DCC: variants seen among roughly 807,000 people sequenced by gnomAD.
DCC encodes DCC netrin 1 receptor.
DCC carries 58 observed loss-of-function variants against 172.5 expected under a neutral mutation model. The ratio of observed to expected loss-of-function variants is 0.34; its 90% confidence interval spans 0.27 to 0.42. The LOEUF (loss-of-function observed/expected upper bound fraction) is 0.42, where lower values mean the gene tolerates loss of function less well. DCC is among the 10% of genes least tolerant of loss of function. The pLI is 1.00. For missense variants in DCC, 1,740 were observed against 1,791.0 expected (o/e 0.97, Z 0.51); for synonymous variants, 709 against 644.5 (o/e 1.10, Z -1.52).
intron 17 of DCC, among the ~76,000 whole-genome samples, chr18:53,394,936 G>A (rs1908819481): frequency 6.7e-6 from 1 of 149,804 alleles, no homozygotes; most frequent in African/African-American, 2.4e-5. Flanking sequence ...GAGGTCAGGA[G>A]TTCGAGACCA....
intron 7 of DCC, among the ~76,000 whole-genome samples, chr18:53,148,420 T>C (rs2043948023): frequency 6.6e-6 from 1 of 152,106 alleles, no homozygotes; most frequent in African/African-American, 2.4e-5. Context: ...TCTCTGGGCA[T>C]GGAGAATGGA....
At chr18:52,475,054 A>G (rs1417558688) in intron 1 of DCC, among the ~76,000 whole-genome samples, 1 of 152,218 alleles carries the variant, frequency 6.6e-6, no homozygotes, top group Admixed American at 6.5e-5. Context: ...TTCAGTCATC[A>G]TGATCTCAAC....
intron 26 of DCC, among the ~76,000 whole-genome samples, chr18:53,492,339 G>A (rs904725404): frequency 6.6e-6 from 1 of 152,106 alleles, no homozygotes; most frequent in Non-Finnish European, 1.5e-5. Flanking sequence ...TTTGGCTTTT[G>A]TTGTCATTGC....
At chr18:52,532,645 C>T (rs747199612) in intron 1 of DCC, among the ~76,000 whole-genome samples, 4 of 151,884 alleles carry the variant, frequency 2.6e-5, no homozygotes, top group Non-Finnish European at 5.9e-5. Context: ...ATGAGTAATT[C>T]ATTGAAGTTT....
intron 8 of DCC, among the ~76,000 whole-genome samples, chr18:53,158,755 G>T (rs2054787828): frequency 6.6e-6 from 1 of 151,982 alleles, no homozygotes; most frequent in South Asian, 2.1e-4. Flanking sequence ...ACTTTGGCAG[G>T]CTAAGTCAGG....
At chr18:52,995,278 C>T (rs1038137211) in intron 5 of DCC, among the ~76,000 whole-genome samples, 1 of 152,066 alleles carries the variant, frequency 6.6e-6, no homozygotes, top group Non-Finnish European at 1.5e-5. Context: ...ACGTGTCAGG[C>T]TTCTTCTTAT....
At chr18:52,925,133 T>A in intron 4 of DCC, 101 bp from the exon 5 acceptor site, 1 of 1,171,370 alleles carries the variant, frequency 8.5e-7, no homozygotes. Flanking sequence ...TTCTTTCAAG[T>A]GTCTTAATTT....
chr18:52,405,646 A>C (rs1439728630), intron 1 of DCC, among the ~76,000 whole-genome samples: 1 of 151,082 alleles, frequency 6.6e-6, no homozygotes, highest in African/African-American at 2.4e-5. Flanking sequence ...GGAGAACTAC[A>C]AACCACTGCT....
intron 7 of DCC, among the ~76,000 whole-genome samples, chr18:53,125,247 A>G (rs1245403780): frequency 6.6e-6 from 1 of 152,008 alleles, no homozygotes; most frequent in African/African-American, 2.4e-5. Context: ...TAGGAGTTTT[A>G]TTTTGTTATC....
intron 5 of DCC, among the ~76,000 whole-genome samples, chr18:52,987,272 C>T (rs903487033): frequency 1.3e-5 from 2 of 152,108 alleles, no homozygotes; most frequent in Non-Finnish European, 2.9e-5. Flanking sequence ...GTCCCAACAG[C>T]CCATGCACAA....
chr18:53,099,311 T>C (rs1382224639), intron 7 of DCC, among the ~76,000 whole-genome samples: 1 of 152,136 alleles, frequency 6.6e-6, no homozygotes, highest in Non-Finnish European at 1.5e-5. Flanking sequence ...TTACCTGTTA[T>C]TATCATTCCT....
At chr18:52,826,670 G>T (rs540203907) in intron 2 of DCC, among the ~76,000 whole-genome samples, 1 of 151,982 alleles carries the variant, frequency 6.6e-6, no homozygotes, top group Admixed American at 6.6e-5. Context: ...GTAGAGATGG[G>T]GTTTCACCAT....
intron 12 of DCC, among the ~76,000 whole-genome samples, chr18:53,272,326 A>G (rs923618932): frequency 6.6e-6 from 1 of 152,156 alleles, no homozygotes; most frequent in Non-Finnish European, 1.5e-5. Flanking sequence ...AATATTTGAG[A>G]AAACAACAGA....
At chr18:53,036,032 T>A (rs557817290) in intron 5 of DCC, among the ~76,000 whole-genome samples, 14 of 152,208 alleles carry the variant, frequency 9.2e-5, no homozygotes, top group Non-Finnish European at 2.1e-4. Context: ...TAAGAGGGAA[T>A]ACACATTTCG....
intron 9 of DCC, among the ~76,000 whole-genome samples, chr18:53,184,016 A>C (rs1230386617): frequency 3.3e-5 from 5 of 151,808 alleles, no homozygotes; most frequent in South Asian, 2.1e-4. Flanking sequence ...AAAAAAAAAA[A>C]AAAAAACTCC....
chr18:53,450,705 T>A, intron 23 of DCC, 43 bp downstream of exon 23: 1 of 1,509,132 alleles, frequency 6.6e-7, no homozygotes, highest in Non-Finnish European at 9.2e-7. Context: ...GTCATTGTCT[T>A]TTGGGGTTAT....
At chr18:53,382,105 C>CACACACACACACACACACA (rs1555661810) in intron 15 of DCC, among the ~76,000 whole-genome samples, 1 of 51,774 alleles carries the variant, frequency 1.9e-5, no homozygotes, top group African/African-American at 4.3e-5. Flanking sequence ...CACACACACA[C>CACACACACACACACACACA]CCCTACCTCC....
At chr18:52,434,037 T>C (rs10153322) in intron 1 of DCC, among the ~76,000 whole-genome samples, 81,491 of 152,082 alleles carry the variant, frequency 0.54, 23,485 homozygotes, top group Admixed American at 0.65. Context: ...TAAAGCCATT[T>C]CAATTATTGA....
At chr18:53,265,202 C>T (rs760222939) in intron 12 of DCC, among the ~76,000 whole-genome samples, 3 of 152,180 alleles carry the variant, frequency 2.0e-5, no homozygotes, top group Non-Finnish European at 2.9e-5. Context: ...TCCTTGGCCT[C>T]ATCAGCACTA....
Sources: gnomAD v4.1 joint callset for allele counts (sites outside exome capture counted in the v4.1 genomes callset) on GRCh38, gnomAD v4.1.1 for gene constraint, MANE v1.5 for transcripts, NCBI Gene and HGNC (gene_info 2026-07-23, HGNC 2026-07-21) for gene names.